ZFHX3: variants seen among roughly 807,000 people sequenced by gnomAD.
ZFHX3 encodes zinc finger homeobox protein 3.
Under a neutral mutation model 279.1 loss-of-function variants are expected in ZFHX3, and 42 were observed. The observed-to-expected ratio is 0.15, with a 90% CI of 0.12 to 0.19. ZFHX3 has a LOEUF of 0.19. ZFHX3 is among the 10% of genes least tolerant of loss of function. ZFHX3 has a pLI of 1.00. For synonymous variants in ZFHX3, 2,293 were observed against 1,957.8 expected (o/e 1.17, Z -4.52); for missense variants, 4,981 against 4,754.0 (o/e 1.05, Z -1.40).
chr16:73,824,188 G>C (rs1008631069), intron 1 of ZFHX3, among the ~76,000 whole-genome samples: 1 of 152,106 alleles, frequency 6.6e-6, no homozygotes, highest in Non-Finnish European at 1.5e-5. Flanking sequence ...AAATCTCCAG[G>C]AGAAAAAGTT....
intron 4 of ZFHX3, among the ~76,000 whole-genome samples, chr16:72,831,302 G>A (rs1295551191): frequency 2.0e-5 from 3 of 152,072 alleles, no homozygotes; most frequent in Admixed American, 6.6e-5. Flanking sequence ...CTAGTGTCAC[G>A]GAACGTTCTT....
At chr16:73,274,102 C>A (rs768318584) in intron 4 of ZFHX3, among the ~76,000 whole-genome samples, 2 of 152,142 alleles carry the variant, frequency 1.3e-5, no homozygotes, top group African/African-American at 2.4e-5. Context: ...TGAGATCACA[C>A]CACTGCACTC....
chr16:73,659,029 G>C (rs552639835), intron 2 of ZFHX3, among the ~76,000 whole-genome samples: 2 of 152,272 alleles, frequency 1.3e-5, no homozygotes, highest in Non-Finnish European at 2.9e-5. Flanking sequence ...TAGGAATTAA[G>C]GAGAAAGAGA....
At position 73,641,600 on chromosome 16, in the gene ZFHX3, G is replaced by A. The variant is rs546084921; in HGVS notation, c.-1547+38580C>T. Among the ~76,000 whole-genome samples, 43 of 152,252 alleles carry A rather than the reference G, an allele frequency of 2.8e-4. No homozygotes were observed. In the South Asian group the frequency reaches 3.7e-3, roughly 13 times the overall value. ...AGCAAAAAGATATACACTGATGTAG[G>A]GAAGATGGGAGGGGGGACAGAGTTG... is the stretch of plus-strand genomic sequence containing the variant. On this transcript the variant is annotated intron_variant, in intron 2 of 17. Coordinates refer to the ZFHX3 transcript ENST00000641206.
At chr16:73,611,130 A>G (rs2052241016) in intron 2 of ZFHX3, among the ~76,000 whole-genome samples, 1 of 152,234 alleles carries the variant, frequency 6.6e-6, no homozygotes, top group Non-Finnish European at 1.5e-5. Context: ...AGGAGGAAGA[A>G]AGAGGGTTAG....
At position 73,745,450 on chromosome 16, in the gene ZFHX3, C is replaced by T. The variant is rs573948255; in HGVS notation, c.-1607-65210G>A. ...AGACTCCTGGGTCAGACACAAAGGC[C>T]CTCATGGGTCAGGAACTAAAGTATA... is the stretch of plus-strand genomic sequence containing the variant. On this transcript the variant is annotated intron_variant, in intron 1 of 17. Coordinates refer to the ZFHX3 transcript ENST00000641206. 2.2e-4 allele frequency among the ~76,000 whole-genome samples: 33 copies of T among 152,234 alleles called. No homozygotes were observed. In the South Asian group the frequency reaches 6.0e-3, roughly 28 times the overall value.
At chr16:73,413,268 A>T (rs1045450058) in intron 3 of ZFHX3, among the ~76,000 whole-genome samples, 3 of 152,234 alleles carry the variant, frequency 2.0e-5, no homozygotes, top group African/African-American at 7.2e-5. Flanking sequence ...CACAGAACAG[A>T]GCAAAGAACA....
intron 5 of ZFHX3, among the ~76,000 whole-genome samples, chr16:72,817,313 G>A (rs187656723): frequency 1.3e-5 from 2 of 152,288 alleles, no homozygotes; most frequent in African/African-American, 2.4e-5. Context: ...CTTAAGAGTT[G>A]TGCTTGCAAT....
chr16:73,310,101 G>T (rs923526743), intron 4 of ZFHX3, among the ~76,000 whole-genome samples: 8 of 151,998 alleles, frequency 5.3e-5, no homozygotes, highest in African/African-American at 1.9e-4. Flanking sequence ...TAGAGACAGG[G>T]TTTCACCATA....
chr16:73,525,779 C>A (rs1439433381), intron 2 of ZFHX3, among the ~76,000 whole-genome samples: 1 of 152,206 alleles, frequency 6.6e-6, no homozygotes, highest in East Asian at 1.9e-4. Flanking sequence ...ACACCCCTTG[C>A]AACCTTTTAA....
At chr16:73,035,686 G>A (rs1039807771) in intron 1 of ZFHX3, among the ~76,000 whole-genome samples, 4 of 152,248 alleles carry the variant, frequency 2.6e-5, no homozygotes, top group Non-Finnish European at 5.9e-5. Context: ...AGGAGTTCGA[G>A]ACTAGCCTGG....
intron 3 of ZFHX3, among the ~76,000 whole-genome samples, chr16:73,346,094 C>T (rs2016118782): frequency 6.6e-6 from 1 of 152,154 alleles, no homozygotes; most frequent in African/African-American, 2.4e-5. Flanking sequence ...CGACCCTGCA[C>T]CTTTTGATCA....
intron 1 of ZFHX3, among the ~76,000 whole-genome samples, chr16:72,993,213 C>G (rs753200423): frequency 6.6e-6 from 1 of 152,230 alleles, no homozygotes; most frequent in Non-Finnish European, 1.5e-5. Context: ...GGCTGGCCAG[C>G]CTGGCTGCCT....
intron 1 of ZFHX3, among the ~76,000 whole-genome samples, chr16:73,786,036 A>G (rs1465738808): frequency 6.6e-6 from 1 of 151,912 alleles, no homozygotes; most frequent in Non-Finnish European, 1.5e-5. Context: ...ACACTTGGCT[A>G]ATTTTGTGTT....
chr16:73,271,011 G>A (rs1025503592), intron 4 of ZFHX3, among the ~76,000 whole-genome samples: 1 of 152,196 alleles, frequency 6.6e-6, no homozygotes, highest in Admixed American at 6.5e-5. Flanking sequence ...GTTTTGTTCT[G>A]TTTTTCATTA....
chr16:73,119,045 G>GGTAC (rs1260791336), intron 7 of ZFHX3, among the ~76,000 whole-genome samples: 1 of 152,136 alleles, frequency 6.6e-6, no homozygotes, highest in Non-Finnish European at 1.5e-5. Flanking sequence ...GTACTATCAT[G>GGTAC]TAAATTTCAG....
intron 3 of ZFHX3, among the ~76,000 whole-genome samples, chr16:72,901,283 A>G (rs1317259540): frequency 9.2e-5 from 14 of 152,202 alleles, no homozygotes; most frequent in Admixed American, 5.9e-4. Context: ...CAAATGCGAG[A>G]GGAAAATGCT....
chr16:73,668,056 T>C (rs542713546), intron 2 of ZFHX3, among the ~76,000 whole-genome samples: 1 of 152,318 alleles, frequency 6.6e-6, no homozygotes, highest in South Asian at 2.1e-4. Context: ...GTTTCCTTCT[T>C]GAAAATGATA....
intron 2 of ZFHX3, among the ~76,000 whole-genome samples, chr16:73,536,047 T>C (rs2019896497): frequency 6.6e-6 from 1 of 152,068 alleles, no homozygotes; most frequent in Non-Finnish European, 1.5e-5. Flanking sequence ...AATACAAATT[T>C]TCTATCACTG....
Sources: gnomAD v4.1 joint callset for allele counts (sites outside exome capture counted in the v4.1 genomes callset) on GRCh38, gnomAD v4.1.1 for gene constraint, MANE v1.5 for transcripts, NCBI Gene and HGNC (gene_info 2026-07-23, HGNC 2026-07-21) for gene names.